Variants in KCNQ1 observed in about 807,000 individuals in gnomAD.
KCNQ1 encodes potassium voltage-gated channel subfamily Q member 1.
KCNQ1 carries 49 observed loss-of-function variants against 72.4 expected under a neutral mutation model. That is an observed-to-expected ratio of 0.68 (90% CI 0.54 to 0.86). KCNQ1 has a LOEUF of 0.86. Ranked by LOEUF, KCNQ1 falls within the 40% of genes least tolerant of loss-of-function variation. The pLI is 0.00. For missense variants in KCNQ1, 790 were observed against 945.1 expected (o/e 0.84, Z 2.15); for synonymous variants, 450 against 412.6 (o/e 1.09, Z -1.10).
intron 3 of KCNQ1, 141 bp downstream of exon 3, chr11:2,570,895 C>T: frequency 3.4e-6 from 4 of 1,169,958 alleles, no homozygotes; most frequent in Non-Finnish European, 5.0e-6. Flanking sequence ...CAGGACCCAG[C>T]ACAGGAGCAT....
intron 2 of KCNQ1, among the ~76,000 whole-genome samples, chr11:2,553,905 T>G (rs1411339730): frequency 6.6e-6 from 1 of 152,060 alleles, no homozygotes; most frequent in African/African-American, 2.4e-5. Context: ...TAGGTAGAGA[T>G]AGGGTTTCAC....
rs956423632 is a variant in KCNQ1, at chr11:2,468,579, G to A, written c.386+23095G>A. ...TGGGCACACCCATCACCCTCACAGC[G>A]TCCCCCTGTCCCCACGACCAGGCCA... On this transcript the variant is annotated intron_variant, in intron 1 of 15. Transcript: ENST00000155840. The surrounding 1 kb of genome is among the most constrained non-coding windows in gnomAD (Gnocchi z 5.7). 2.0e-5 allele frequency among the ~76,000 whole-genome samples: 3 copies of A among 152,132 alleles called. No homozygotes were observed. The highest frequency in any genetic ancestry group is 6.5e-5 in the Admixed American group (1 of 15,278).
intron 10 of KCNQ1, among the ~76,000 whole-genome samples, chr11:2,606,372 G>C (rs529553439): frequency 1.3e-3 from 194 of 152,210 alleles, no homozygotes; most frequent in Middle Eastern, 3.4e-3. Context: ...GGGTCTGGTG[G>C]GGGGTGTCTG....
chr11:2,730,663 G>A (rs866468962), intron 11 of KCNQ1, among the ~76,000 whole-genome samples: 1 of 152,200 alleles, frequency 6.6e-6, no homozygotes, highest in Non-Finnish European at 1.5e-5. Context: ...GGTGAGACCT[G>A]TATGGCCACA....
intron 9 of KCNQ1, 113 bp downstream of exon 9, chr11:2,587,805 G>C: frequency 7.0e-7 from 1 of 1,434,960 alleles, no homozygotes; most frequent in African/African-American, 1.4e-5. Flanking sequence ...GGTACAGCCT[G>C]TGTCAGGGAG....
chr11:2,646,486 T>C (rs1201588192), intron 10 of KCNQ1: 6 of 398,540 alleles, frequency 1.5e-5, no homozygotes, highest in Non-Finnish European at 2.7e-5. Flanking sequence ...ATTTCTCTTT[T>C]GGCTAATTTG....
chr11:2,510,479 C>T (rs190964442), intron 1 of KCNQ1, among the ~76,000 whole-genome samples: 292 of 151,734 alleles, frequency 1.9e-3, no homozygotes, highest in African/African-American at 6.9e-3. Flanking sequence ...TGGTGGCTCA[C>T]ATCTGTAGTC....
chr11:2,629,514 T>C (rs1472779434), intron 10 of KCNQ1: 2 of 398,290 alleles, frequency 5.0e-6, no homozygotes, highest in Non-Finnish European at 8.9e-6. Flanking sequence ...GTATATGGAG[T>C]TAGGTAAAGG....
At position 2,678,939 on chromosome 11, in the gene KCNQ1, T is replaced by C; in HGVS notation, c.1514+16858T>C. The C allele has an allele frequency of 2.5e-6, 1 of 398,610 alleles. No homozygotes were observed. Among genetic ancestry groups the C allele is most frequent in the African/African-American group, 2.1e-5 (1 of 48,738 alleles). 24.7% of individuals were successfully genotyped at this position (398,610 alleles called of 1,614,324 possible). A position where few individuals can be genotyped will look rare whatever the true frequency, so the allele number is the denominator to read the frequency against. ...TTCAGGGCATCTTGGAAAAACTGAA[T>C]TTGCTAACTCAATAGAGAACAAAAG... On this transcript the variant is annotated intron_variant, in intron 11 of 15. Transcript: ENST00000155840. This position sits in a 1 kb window ranked among gnomAD's most constrained non-coding sequence, Gnocchi z 4.9.
intron 10 of KCNQ1, chr11:2,650,313 T>G (rs1348723455): frequency 1.0e-5 from 4 of 398,508 alleles, no homozygotes; most frequent in Non-Finnish European, 1.8e-5. Context: ...AAGTCATGTT[T>G]TCTTGTTTTT....
At position 2,654,623 on chromosome 11, in the gene KCNQ1, G is replaced by T; in HGVS notation, c.1394-7338G>T. On this transcript the variant is annotated intron_variant, in intron 10 of 15. Transcript: ENST00000155840. The surrounding 1 kb of genome is among the most constrained non-coding windows in gnomAD (Gnocchi z 6.4). ...TGGTTGGGTGAAGTTACTAGGAAGG[G>T]CCCAGACACTGGCGAGAGTCTCTTG... 2.5e-6 allele frequency: 1 copy of T among 398,790 alleles called. No homozygotes were observed. The highest frequency in any genetic ancestry group is 4.4e-6 in the Non-Finnish European group (1 of 226,246). 24.7% of individuals were successfully genotyped at this position (398,790 alleles called of 1,614,324 possible).
At chr11:2,582,069 G>A (rs1248030235) in intron 6 of KCNQ1, among the ~76,000 whole-genome samples, 1 of 152,218 alleles carries the variant, frequency 6.6e-6, no homozygotes, top group African/African-American at 2.4e-5. Context: ...CCCGCCCTGT[G>A]GCCTGGCGGC....
At chr11:2,771,826 CAGTG>C (rs1846604574) in intron 12 of KCNQ1, among the ~76,000 whole-genome samples, 1 of 152,228 alleles carries the variant, frequency 6.6e-6, no homozygotes, top group African/African-American at 2.4e-5. Context: ...GGGAGGAACA[CAGTG>C]AGCCCTGCAC....
rs528720146 is a variant in KCNQ1, at chr11:2,570,860, C to A, written c.604+106C>A. 1.5e-5 allele frequency: 23 copies of A among 1,521,818 alleles called. No individual in the cohort carries two copies. In the East Asian group the frequency reaches 4.3e-4, roughly 29 times the overall value. The allele number at this position is 1,521,818 out of a possible 1,614,324, so 94.3% of individuals were successfully genotyped here. On this transcript the variant is annotated intron_variant, in intron 3 of 15. Coordinates refer to ENST00000155840, the MANE Select transcript of KCNQ1 (RefSeq NM_000218.3). ...GGAGTCCCCTAAGGACTGGGGAACC[C>A]CAAGGCCAGCAGGGGGTGACTGCCC...
intron 10 of KCNQ1, chr11:2,616,274 C>T: frequency 2.5e-6 from 1 of 396,058 alleles, no homozygotes; most frequent in East Asian, 3.6e-5. Flanking sequence ...ATATGTGCAA[C>T]TTCTCTAATT....
intron 11 of KCNQ1, chr11:2,697,577 A>G: frequency 5.0e-6 from 2 of 398,584 alleles, no homozygotes; most frequent in Non-Finnish European, 8.8e-6. Context: ...CCAAAATCAC[A>G]CATAGGCGTT....
At chr11:2,689,368 A>T in intron 11 of KCNQ1, 1 of 398,596 alleles carries the variant, frequency 2.5e-6, no homozygotes, top group Middle Eastern at 6.3e-4. Flanking sequence ...CCTTGGGAAG[A>T]GGTGCTTGAG....
chr11:2,573,159 C>T (rs541559789), intron 6 of KCNQ1, among the ~76,000 whole-genome samples, 173 bp downstream of exon 6: 73 of 152,300 alleles, frequency 4.8e-4, no homozygotes, highest in African/African-American at 1.3e-3. Flanking sequence ...CAGGTCCCCA[C>T]GCTCAGTGTT....
rs146356722 is a variant in KCNQ1 at position 2,578,832 on chromosome 11, C to T, written c.922-4603C>T. On this transcript the variant is annotated intron_variant, in intron 6 of 15. Coordinates refer to ENST00000155840, the MANE Select transcript of KCNQ1 (RefSeq NM_000218.3). The stretch of plus-strand genomic sequence containing the variant: ...CAGCCTCTTAGCCCATCTCTGCCTT[C>T]GGGGTGGCCACAGCGGGGAACGTGG... Among the ~76,000 whole-genome samples, 308 of 152,336 alleles carry T rather than the reference C, an allele frequency of 2.0e-3. 2 individuals carry two copies. The highest frequency in any genetic ancestry group is 6.8e-3 in the Middle Eastern group (2 of 294).
Sources: gnomAD v4.1 joint callset for allele counts (sites outside exome capture counted in the v4.1 genomes callset) on GRCh38, gnomAD v4.1.1 for gene constraint, Gnocchi (gnomAD v3.1) non-coding constraint, MANE v1.5 for transcripts, NCBI Gene and HGNC (gene_info 2026-07-23, HGNC 2026-07-21) for gene names.